NHSL1: variants seen among roughly 807,000 people sequenced by gnomAD.
NHSL1 encodes the protein NHS like 1.
NHSL1 carries 48 observed loss-of-function variants against 95.0 expected under a neutral mutation model. The observed-to-expected ratio is 0.51, with a 90% confidence interval of 0.40 to 0.64. The LOEUF (loss-of-function observed/expected upper bound fraction) is 0.64, where lower values mean the gene tolerates loss of function less well. Ranked by LOEUF, NHSL1 falls within the 30% of genes least tolerant of loss-of-function variation. The probability of loss-of-function intolerance (pLI) is 0.00; values close to 1 mark genes in which losing one functional copy is unlikely to be tolerated. For missense variants in NHSL1, 1,971 were observed against 2,077.7 expected (o/e 0.95, Z 1.00); for synonymous variants, 783 against 833.9 (o/e 0.94, Z 1.05).
intron 1 of NHSL1, among the ~76,000 whole-genome samples, chr6:138,631,545 G>A (rs899015257): frequency 3.9e-5 from 6 of 152,106 alleles, no homozygotes; most frequent in East Asian, 3.9e-4. Flanking sequence ...ATAGGGCAAC[G>A]GTCAAAGTCA....
At chr6:138,691,671 C>T (rs1193647577) in intron 1 of NHSL1, 1 of 339,408 alleles carries the variant, frequency 2.9e-6, no homozygotes, top group Non-Finnish European at 5.8e-6. Context: ...AGACATCACA[C>T]TGAAAGTTTC....
At chr6:138,448,060 C>T (rs1776978430) in intron 3 of NHSL1, among the ~76,000 whole-genome samples, 2 of 152,202 alleles carry the variant, frequency 1.3e-5, no homozygotes, top group African/African-American at 4.8e-5. Context: ...CTGCTCTGAG[C>T]CATATCAGAA....
chr6:138,473,658 A>T (rs980971356), intron 2 of NHSL1, among the ~76,000 whole-genome samples: 2 of 152,162 alleles, frequency 1.3e-5, no homozygotes, highest in Admixed American at 1.3e-4. Context: ...ACTTGATAAG[A>T]TTGTATTCAG....
At chr6:138,584,873 C>G (rs533880065) in intron 1 of NHSL1, among the ~76,000 whole-genome samples, 7 of 152,296 alleles carry the variant, frequency 4.6e-5, no homozygotes, top group African/African-American at 1.7e-4. Flanking sequence ...AATCGTCCTC[C>G]TCCCAGCCCA....
chr6:138,620,666 A>G (rs1784643373), intron 1 of NHSL1, among the ~76,000 whole-genome samples: 1 of 147,478 alleles, frequency 6.8e-6, no homozygotes, highest in Admixed American at 6.6e-5. Flanking sequence ...GTTGAAAAAC[A>G]TCTAACTTTA....
intron 1 of NHSL1, among the ~76,000 whole-genome samples, chr6:138,691,100 G>A (rs531341462): frequency 2.0e-4 from 30 of 152,290 alleles, no homozygotes; most frequent in African/African-American, 5.5e-4. Flanking sequence ...CGTGATTGCC[G>A]CATAGACCAT....
chr6:138,496,443 T>C (rs1780359105), intron 1 of NHSL1, 72 bp from the exon 2 acceptor site: 1 of 1,454,710 alleles, frequency 6.9e-7, no homozygotes, highest in Non-Finnish European at 9.4e-7. Flanking sequence ...TCATGATGTG[T>C]TTCCATGTCT....
At chr6:138,510,050 C>A (rs1415457406) in intron 1 of NHSL1, among the ~76,000 whole-genome samples, 2 of 152,152 alleles carry the variant, frequency 1.3e-5, no homozygotes, top group African/African-American at 4.8e-5. Context: ...GAAGGCAAAT[C>A]AGATTTATCA....
chr6:138,663,695 C>T (rs113414770), intron 1 of NHSL1, among the ~76,000 whole-genome samples: 172 of 152,056 alleles, frequency 1.1e-3, no homozygotes, highest in African/African-American at 4.1e-3. Context: ...CATGGTGAAA[C>T]CCCATCTCTA....
At chr6:138,525,348 A>ACT (rs200645474) in intron 1 of NHSL1, among the ~76,000 whole-genome samples, 5 of 150,376 alleles carry the variant, frequency 3.3e-5, no homozygotes, top group African/African-American at 7.3e-5. Flanking sequence ...CAACATAGCA[A>ACT]CTCTCTCTCT....
intron 1 of NHSL1, among the ~76,000 whole-genome samples, chr6:138,627,741 C>T (rs1257934245): frequency 4.0e-5 from 6 of 151,872 alleles, no homozygotes; most frequent in South Asian, 4.2e-4. Flanking sequence ...ATTAGCTGGG[C>T]GTGGTGGCGG....
chr6:138,490,837 T>C (rs183549821), intron 2 of NHSL1, among the ~76,000 whole-genome samples: 4 of 152,336 alleles, frequency 2.6e-5, no homozygotes, highest in Admixed American at 2.6e-4. Flanking sequence ...TTTCACCATG[T>C]TGGCCAGGAT....
chr6:138,652,440 C>CAAA (rs898637244), intron 1 of NHSL1, among the ~76,000 whole-genome samples: 1 of 86,520 alleles, frequency 1.2e-5, no homozygotes, highest in Non-Finnish European at 2.5e-5. Context: ...AACTCTATCT[C>CAAA]AAAAAAAAAA....
chr6:138,692,888 C>T (rs1317830737), upstream of NHSL1, among the ~76,000 whole-genome samples: 19 of 150,642 alleles, frequency 1.3e-4, no homozygotes, highest in Non-Finnish European at 1.3e-4. The surrounding 1 kb of genome is among the most constrained non-coding windows in gnomAD (Gnocchi z 4.0). Context: ...GCCTGGCGGC[C>T]CCTGCCCGCA....
At chr6:138,674,346 T>C (rs951418957) in intron 1 of NHSL1, among the ~76,000 whole-genome samples, 5 of 152,166 alleles carry the variant, frequency 3.3e-5, no homozygotes, top group Non-Finnish European at 5.9e-5. Flanking sequence ...AGGGTACATG[T>C]GCAGGATGTG....
At position 138,556,113 on chromosome 6, in the gene NHSL1, G is replaced by A. The variant is rs146977694; in HGVS notation, c.202+15597C>T. Reference sequence around the variant, plus strand: ...TTACTAAAATGCTTCAAATGGCACCGAGAGAAGAAAATGTGTGGTCATTGC... The same window carrying A: ...TTACTAAAATGCTTCAAATGGCACCAAGAGAAGAAAATGTGTGGTCATTGC... On this transcript the variant is annotated intron_variant, in intron 1 of 6. Coordinates refer to the NHSL1 transcript ENST00000427025. 6.4e-4 allele frequency among the ~76,000 whole-genome samples: 98 copies of A among 152,002 alleles called. No homozygotes were observed. The East Asian group carries it at 7.2e-3, about 11-fold the overall frequency.
At chr6:138,455,213 CA>C (rs1777502469) in intron 3 of NHSL1, among the ~76,000 whole-genome samples, 1 of 152,202 alleles carries the variant, frequency 6.6e-6, no homozygotes, top group Admixed American at 6.5e-5. Context: ...CCCAGTAACA[CA>C]TGATTGGACA....
At chr6:138,486,677 C>G (rs547695287) in intron 2 of NHSL1, among the ~76,000 whole-genome samples, 1 of 152,170 alleles carries the variant, frequency 6.6e-6, no homozygotes, top group African/African-American at 2.4e-5. Context: ...TGATCTCTCT[C>G]CTGTGTTTTA....
intron 1 of NHSL1, among the ~76,000 whole-genome samples, chr6:138,688,530 G>C (rs1052307920): frequency 3.9e-5 from 6 of 152,092 alleles, no homozygotes; most frequent in African/African-American, 1.4e-4. Context: ...TGTAATCCCA[G>C]CTACTCAGGA....
Sources: allele counts gnomAD v4.1 joint callset (sites outside exome capture counted in the v4.1 genomes callset), GRCh38; gene constraint gnomAD v4.1.1; non-coding constraint Gnocchi (gnomAD v3.1); transcripts MANE v1.5; gene names NCBI Gene and HGNC (gene_info 2026-07-23, HGNC 2026-07-21).